ERBIN: variants seen among roughly 807,000 people sequenced by gnomAD.
ERBIN encodes the protein densin-180-like protein.
In ERBIN, 60 loss-of-function variants were observed where a neutral mutation model predicts 158.4. The observed-to-expected ratio is 0.38, with a 90% confidence interval of 0.31 to 0.47. ERBIN has a LOEUF of 0.47. Ranked by LOEUF, ERBIN falls within the 20% of genes least tolerant of loss-of-function variation. ERBIN has a pLI of 0.99. For missense variants in ERBIN, 1,610 were observed against 1,648.0 expected, an observed-to-expected ratio of 0.98 and a Z score of 0.40; for synonymous variants, 594 against 557.2, an observed-to-expected ratio of 1.07 and a Z score of -0.93.
intron 4 of ERBIN, among the ~76,000 whole-genome samples, chr5:66,003,367 T>C (rs1195767950): frequency 2.6e-5 from 4 of 151,494 alleles, no homozygotes; most frequent in Admixed American, 2.6e-4. Flanking sequence ...AAAAAAAAAA[T>C]ACAGGATTTG....
In ERBIN at chr5:66,021,330, A is replaced by G. The variant is rs151174390; in HGVS notation, c.542A>G (p.Asn181Ser). ...NQLKMLPKTMNRLTQLERLDL... is the reference protein window; with the variant it reads ...NQLKMLPKTMSRLTQLERLDL... ...TACTCCATTATGAACAGAACTATGA[A>G]TAGACTGACCCAGCTGGAAAGACTG... Residue 181 changes from asparagine (N) to serine (S), a missense_variant, in exon 8 of 26, where the codon AAT becomes AGT. Asn to Ser is a conservative substitution (Grantham distance 46). This residue lies in a region of ERBIN where 596 missense variants were observed against 711.9 expected (regional missense o/e 0.84). Transcript: ENST00000284037. 2.6e-4 allele frequency: 418 copies of G among 1,599,690 alleles called. 2 individuals are homozygous for G. In the African/African-American group the frequency reaches 5.0e-3, roughly 19 times the overall value.
chr5:65,965,394 T>G (rs1412081786), intron 1 of ERBIN, among the ~76,000 whole-genome samples: 5 of 6,652 alleles, frequency 7.5e-4, no homozygotes, highest in Admixed American at 2.0e-3. Flanking sequence ...TTTTTTTTTT[T>G]TTTTTTTTTT....
intron 21 of ERBIN, among the ~76,000 whole-genome samples, chr5:66,067,898 CCCAGGAATTTGAGG>C (rs1370863010): frequency 1.3e-5 from 2 of 152,046 alleles, no homozygotes; most frequent in Non-Finnish European, 2.9e-5. Flanking sequence ...ATGGCTTGAG[CCCAGGAATTTGAGG>C]CCAGCCTGGG....
intron 18 of ERBIN, 63 bp downstream of exon 18, chr5:66,046,601 CTAAA>C (rs1303829772): frequency 2.2e-5 from 29 of 1,295,152 alleles, no homozygotes; most frequent in Non-Finnish European, 3.0e-5. Flanking sequence ...TTTATTGTTG[CTAAA>C]TAAAGACCTG....
At chr5:65,940,153 C>G (rs1477373974) in intron 1 of ERBIN, among the ~76,000 whole-genome samples, 14 of 151,190 alleles carry the variant, frequency 9.3e-5, no homozygotes, top group Admixed American at 6.6e-4. Flanking sequence ...AGCGTCTCTG[C>G]CCGGCCGCCC....
intron 24 of ERBIN, 111 bp from the exon 25 acceptor site, chr5:66,076,764 A>G: frequency 2.6e-6 from 2 of 776,364 alleles, no homozygotes; most frequent in Non-Finnish European, 4.4e-6. Context: ...TCAGGGAGAA[A>G]ACTTGTACCA....
intron 1 of ERBIN, among the ~76,000 whole-genome samples, chr5:65,938,357 G>C (rs1744343890): frequency 6.9e-6 from 1 of 145,784 alleles, no homozygotes; most frequent in African/African-American, 2.5e-5. Flanking sequence ...ATAGATTCGT[G>C]AGCAGGCATA....
chr5:65,976,362 A>G (rs988892577), intron 1 of ERBIN, among the ~76,000 whole-genome samples: 3 of 152,082 alleles, frequency 2.0e-5, no homozygotes, highest in Non-Finnish European at 4.4e-5. Flanking sequence ...AATCCCAGCT[A>G]CTGTGGAGGC....
chr5:65,944,204 A>ATT (rs778282107), intron 1 of ERBIN, among the ~76,000 whole-genome samples: 189 of 81,738 alleles, frequency 2.3e-3, no homozygotes, highest in East Asian at 0.014. Context: ...TGTGTTTAGT[A>ATT]TTTTTTTTTT....
intron 1 of ERBIN, among the ~76,000 whole-genome samples, chr5:65,939,548 C>CCCACGGTCTCCCTCTCCCTCTCTTT (rs1041112014): frequency 3.3e-5 from 5 of 152,150 alleles, no homozygotes; most frequent in Admixed American, 3.3e-4. Context: ...TCTCCCTCTC[C>CCCACGGTCTCCCTCTCCCTCTCTTT]CCACGGTCTC....
chr5:65,958,089 TC>T (rs1422901534), intron 1 of ERBIN, among the ~76,000 whole-genome samples: 1 of 149,568 alleles, frequency 6.7e-6, no homozygotes, highest in South Asian at 2.1e-4. Flanking sequence ...GCTCCTTACT[TC>T]CTAGATGGGA....
At chr5:65,986,500 C>T (rs917955252) in intron 1 of ERBIN, among the ~76,000 whole-genome samples, 1 of 152,122 alleles carries the variant, frequency 6.6e-6, no homozygotes, top group African/African-American at 2.4e-5. Context: ...ACGTTAAACA[C>T]GTTAGTCCTA....
chr5:65,931,601 T>C (rs1580049642), intron 1 of ERBIN, among the ~76,000 whole-genome samples: 2 of 152,184 alleles, frequency 1.3e-5, no homozygotes, highest in South Asian at 2.1e-4. Context: ...TTAATAAAAA[T>C]ATAATTGTTT....
chr5:65,988,132 A>G (rs916171095), intron 1 of ERBIN, among the ~76,000 whole-genome samples: 10 of 152,166 alleles, frequency 6.6e-5, no homozygotes, highest in African/African-American at 2.4e-4. Context: ...GCACTTTGGG[A>G]GACTGAGGTG....
intron 1 of ERBIN, among the ~76,000 whole-genome samples, chr5:65,947,279 G>T (rs1027389603): frequency 3.3e-5 from 5 of 152,050 alleles, no homozygotes; most frequent in Non-Finnish European, 7.4e-5. Context: ...ATCCAGGCTG[G>T]AGTGCAGTGG....
chr5:66,072,651 C>A (rs1195091236), intron 22 of ERBIN, among the ~76,000 whole-genome samples: 2 of 152,126 alleles, frequency 1.3e-5, no homozygotes, highest in Non-Finnish European at 2.9e-5. Flanking sequence ...ATTCTAGGAT[C>A]TTTTACTATT....
At chr5:66,019,165 T>C (rs191107466) in intron 7 of ERBIN, among the ~76,000 whole-genome samples, 1 of 152,288 alleles carries the variant, frequency 6.6e-6, no homozygotes, top group East Asian at 1.9e-4. Context: ...CTTCTTATTT[T>C]CCAATTTGGA....
intron 1 of ERBIN, among the ~76,000 whole-genome samples, chr5:65,961,746 T>A (rs568960760): frequency 6.3e-4 from 96 of 152,170 alleles, no homozygotes; most frequent in Non-Finnish European, 1.0e-3. Context: ...GTAGTCTACT[T>A]CTTTTACATT....
chr5:65,932,211 C>T (rs368382751), intron 1 of ERBIN, among the ~76,000 whole-genome samples: 5 of 151,912 alleles, frequency 3.3e-5, no homozygotes, highest in African/African-American at 1.2e-4. Context: ...TGGTCACAAA[C>T]GCCTGTAATC....
Sources: allele counts gnomAD v4.1 joint callset (sites outside exome capture counted in the v4.1 genomes callset), GRCh38; gene constraint gnomAD v4.1.1; regional missense constraint gnomAD v4.1.1; transcripts MANE v1.5; gene names NCBI Gene and HGNC (gene_info 2026-07-23, HGNC 2026-07-21).